CCDC171: variants seen among roughly 807,000 people sequenced by gnomAD.
CCDC171 encodes coiled-coil domain-containing protein 171.
CCDC171 carries 177 observed loss-of-function variants against 168.2 expected under a neutral mutation model. The ratio of observed to expected loss-of-function variants is 1.05; its 90% CI spans 0.93 to 1.19. CCDC171 has a LOEUF of 1.19. Ranked by LOEUF, CCDC171 falls within the 50% of genes most tolerant of loss-of-function variation. The pLI is 0.00. For synonymous variants in CCDC171, 687 were observed against 540.8 expected (o/e 1.27, Z -3.75); for missense variants, 1,991 against 1,539.0 (o/e 1.29, Z -4.91).
chr9:15,752,015 C>T (rs921401403), intron 18 of CCDC171, among the ~76,000 whole-genome samples: 1 of 152,136 alleles, frequency 6.6e-6, no homozygotes, highest in African/African-American at 2.4e-5. Flanking sequence ...ATCCATCTGA[C>T]AAAGGGCTAA....
intron 21 of CCDC171, among the ~76,000 whole-genome samples, chr9:15,843,704 G>A (rs186130234): frequency 6.6e-6 from 1 of 152,204 alleles, no homozygotes; most frequent in East Asian, 1.9e-4. Context: ...GTATGTGAAA[G>A]TGGGCTGTAA....
chr9:15,822,523 A>G (rs1379313049), intron 21 of CCDC171, among the ~76,000 whole-genome samples: 1 of 152,226 alleles, frequency 6.6e-6, no homozygotes, highest in Non-Finnish European at 1.5e-5. Context: ...AAGTGGGCGA[A>G]GGATATGAAC....
intron 25 of CCDC171, among the ~76,000 whole-genome samples, chr9:15,955,504 T>A (rs1431014190): frequency 6.6e-6 from 1 of 152,166 alleles, no homozygotes; most frequent in Non-Finnish European, 1.5e-5. Context: ...ATGTGCAAGC[T>A]GTTCCAAGAA....
intron 3 of CCDC171, among the ~76,000 whole-genome samples, chr9:15,994,300 G>T (rs556225642): frequency 1.3e-5 from 2 of 152,220 alleles, no homozygotes; most frequent in East Asian, 1.9e-4. Flanking sequence ...CATGGATGAA[G>T]CTGGAAACCA....
At chr9:15,614,364 T>G (rs2043929748) in intron 6 of CCDC171, among the ~76,000 whole-genome samples, 1 of 152,186 alleles carries the variant, frequency 6.6e-6, no homozygotes, top group Non-Finnish European at 1.5e-5. Flanking sequence ...GCAATTGATT[T>G]TTGAAGCAAT....
chr9:15,569,366 G>C (rs760368016), intron 2 of CCDC171, among the ~76,000 whole-genome samples: 2 of 152,130 alleles, frequency 1.3e-5, no homozygotes, highest in African/African-American at 4.8e-5. Context: ...AATCTCATGA[G>C]ATTATTGTGA....
intron 1 of CCDC171, among the ~76,000 whole-genome samples, chr9:16,045,549 C>G (rs879599980): frequency 6.6e-6 from 1 of 152,182 alleles, no homozygotes; most frequent in Non-Finnish European, 1.5e-5. Context: ...GGGGACAAAA[C>G]TCCCCATGGT....
At chr9:16,014,404 T>C (rs1468482143) in intron 3 of CCDC171, among the ~76,000 whole-genome samples, 2 of 152,230 alleles carry the variant, frequency 1.3e-5, no homozygotes, top group Admixed American at 6.5e-5. Context: ...CTCAAAGTCA[T>C]GCATGAATAT....
chr9:15,945,329 G>C (rs1292644142), intron 25 of CCDC171, among the ~76,000 whole-genome samples: 3 of 145,830 alleles, frequency 2.1e-5, no homozygotes, highest in African/African-American at 7.3e-5. Flanking sequence ...GAATAATGCC[G>C]CAATAAACAT....
intron 21 of CCDC171, among the ~76,000 whole-genome samples, chr9:15,801,687 A>G (rs1241844807): frequency 6.6e-6 from 1 of 152,026 alleles, no homozygotes; most frequent in Non-Finnish European, 1.5e-5. Flanking sequence ...CATCCTTGCC[A>G]TATTCAGATC....
intron 21 of CCDC171, among the ~76,000 whole-genome samples, chr9:15,799,033 A>G (rs1588569283): frequency 6.6e-6 from 1 of 150,886 alleles, no homozygotes; most frequent in African/African-American, 2.4e-5. Flanking sequence ...TTTTACCTGT[A>G]TTCTAAACTC....
At chr9:15,792,490 T>G in intron 21 of CCDC171, among the ~76,000 whole-genome samples, 1 of 152,102 alleles carries the variant, frequency 6.6e-6, no homozygotes, top group Non-Finnish European at 1.5e-5. Flanking sequence ...AAGATACTCC[T>G]TGAGAAGAGC....
chr9:16,012,755 T>G (rs1832903420), intron 3 of CCDC171, among the ~76,000 whole-genome samples: 1 of 152,186 alleles, frequency 6.6e-6, no homozygotes, highest in South Asian at 2.1e-4. Context: ...ATCTTGGTCA[T>G]TCTTATTCAT....
intron 3 of CCDC171, among the ~76,000 whole-genome samples, chr9:15,993,336 C>A (rs1832263954): frequency 6.6e-6 from 1 of 152,106 alleles, no homozygotes. Flanking sequence ...CAAAAACAAG[C>A]AATGGGGAAA....
At chr9:15,822,683 C>T (rs1431450566) in intron 21 of CCDC171, among the ~76,000 whole-genome samples, 2 of 152,116 alleles carry the variant, frequency 1.3e-5, no homozygotes, top group Non-Finnish European at 2.9e-5. Flanking sequence ...AGTCAGGAAA[C>T]AGCAGGTGCT....
At chr9:15,577,123 C>T (rs1283033674) in intron 3 of CCDC171, among the ~76,000 whole-genome samples, 1 of 152,198 alleles carries the variant, frequency 6.6e-6, no homozygotes, top group Non-Finnish European at 1.5e-5. Context: ...TGGTGAAACT[C>T]TTCATTGAAC....
intron 15 of CCDC171, 42 bp from the exon 16 acceptor site, chr9:15,729,568 C>A: frequency 1.5e-6 from 2 of 1,334,978 alleles, no homozygotes; most frequent in South Asian, 1.6e-5. Context: ...AAAGAAATAG[C>A]TTGTGAGCAT....
chr9:15,567,415 A>G (rs531667306), intron 2 of CCDC171, among the ~76,000 whole-genome samples: 20 of 152,288 alleles, frequency 1.3e-4, no homozygotes, highest in African/African-American at 4.3e-4. Context: ...TGTTTTGGCT[A>G]TTTTGAATTC....
At chr9:15,915,807 G>C (rs1373471383) in intron 24 of CCDC171, among the ~76,000 whole-genome samples, 1 of 152,020 alleles carries the variant, frequency 6.6e-6, no homozygotes, top group Non-Finnish European at 1.5e-5. Context: ...GTTCTTTGAG[G>C]ATTTTTATCA....
Sources: gnomAD v4.1 joint callset for allele counts (sites outside exome capture counted in the v4.1 genomes callset) on GRCh38, gnomAD v4.1.1 for gene constraint, MANE v1.5 for transcripts, NCBI Gene and HGNC (gene_info 2026-07-23, HGNC 2026-07-21) for gene names.